CACNA2D3: variants seen among roughly 807,000 people sequenced by gnomAD.
CACNA2D3 encodes voltage-dependent calcium channel subunit alpha-2/delta-3.
Under a neutral mutation model 160.6 loss-of-function variants are expected in CACNA2D3, and 60 were observed. That is an observed-to-expected ratio of 0.37 (90% CI 0.30 to 0.46). The LOEUF (loss-of-function observed/expected upper bound fraction) is 0.46. CACNA2D3 is among the 20% of genes least tolerant of loss of function. The pLI is 1.00. For synonymous variants in CACNA2D3, 558 were observed against 492.9 expected (o/e 1.13, Z -1.75); for missense variants, 1,205 against 1,365.0 (o/e 0.88, Z 1.85).
At chr3:54,512,793 G>T (rs898997608) in intron 5 of CACNA2D3, among the ~76,000 whole-genome samples, 2 of 152,176 alleles carry the variant, frequency 1.3e-5, no homozygotes, top group East Asian at 1.9e-4. Context: ...GTAGGGCTTC[G>T]TATTAGTCTG....
chr3:54,977,210 A>G (rs2107087447), intron 29 of CACNA2D3, among the ~76,000 whole-genome samples: 1 of 152,284 alleles, frequency 6.6e-6, no homozygotes, highest in Middle Eastern at 3.4e-3. Flanking sequence ...GAGTTTGATC[A>G]ATTTTCCTAG....
chr3:54,527,541 T>G (rs537394259), intron 5 of CACNA2D3, among the ~76,000 whole-genome samples: 1 of 152,276 alleles, frequency 6.6e-6, no homozygotes, highest in South Asian at 2.1e-4. Flanking sequence ...GCCTTTCAAG[T>G]TTGGGCAAGA....
At chr3:54,996,377 T>G (rs3773574) in intron 31 of CACNA2D3, among the ~76,000 whole-genome samples, 64,475 of 152,142 alleles carry the variant, frequency 0.42, 15,153 homozygotes, top group East Asian at 0.57. Context: ...GTGAAGCTAA[T>G]TTCCATGGGA....
At chr3:54,345,141 T>C (rs1698433368) in intron 3 of CACNA2D3, among the ~76,000 whole-genome samples, 1 of 152,232 alleles carries the variant, frequency 6.6e-6, no homozygotes, top group Admixed American at 6.5e-5. Flanking sequence ...GGCTTCTCTG[T>C]CTGTGGAGTA....
intron 27 of CACNA2D3, among the ~76,000 whole-genome samples, chr3:54,966,555 A>C (rs556001251): frequency 6.6e-6 from 1 of 152,340 alleles, no homozygotes; most frequent in Non-Finnish European, 1.5e-5. Context: ...CACATGGCTC[A>C]CATCTGTAAT....
At chr3:54,248,610 T>C (rs779022845) in intron 2 of CACNA2D3, among the ~76,000 whole-genome samples, 1 of 151,754 alleles carries the variant, frequency 6.6e-6, no homozygotes, top group African/African-American at 2.4e-5. Flanking sequence ...GAAAAGACCA[T>C]GTGAGGACAC....
intron 27 of CACNA2D3, chr3:54,927,831 C>T (rs1701068319): frequency 6.7e-7 from 1 of 1,488,014 alleles, no homozygotes; most frequent in Non-Finnish European, 9.4e-7. Context: ...AGATTTCCCG[C>T]AGATACCTTT....
intron 13 of CACNA2D3, among the ~76,000 whole-genome samples, chr3:54,789,599 T>C: frequency 6.6e-6 from 1 of 152,192 alleles, no homozygotes; most frequent in East Asian, 1.9e-4. Flanking sequence ...TCAAACTGTT[T>C]TGCCAAGCTT....
chr3:54,912,947 C>T (rs1468944717), intron 27 of CACNA2D3, among the ~76,000 whole-genome samples: 1 of 152,074 alleles, frequency 6.6e-6, no homozygotes, highest in Non-Finnish European at 1.5e-5. Flanking sequence ...TACAGGACAG[C>T]ATGATTCCTC....
In CACNA2D3 at chr3:54,254,190, G is replaced by A. The variant is rs77572562; in HGVS notation, c.205-66252G>A. 9.9e-3 allele frequency among the ~76,000 whole-genome samples: 1,513 copies of A among 152,292 alleles called. 13 individuals carry two copies. The highest frequency in any genetic ancestry group is 0.017 in the Non-Finnish European group (1,158 of 68,028). ...AGACCACTTGAGAAGCACTGCTTTGGGGAGGGATGCTCTCCCATCAGATGG... is the reference window on the plus strand; with the variant it reads ...AGACCACTTGAGAAGCACTGCTTTGAGGAGGGATGCTCTCCCATCAGATGG... On this transcript the variant is annotated intron_variant, in intron 2 of 37. Transcript: ENST00000474759.
At chr3:55,025,029 G>C (rs994184087) in intron 35 of CACNA2D3, among the ~76,000 whole-genome samples, 1 of 152,280 alleles carries the variant, frequency 6.6e-6, no homozygotes, top group Non-Finnish European at 1.5e-5. Flanking sequence ...CTATGAGGCG[G>C]CCAGTATCTC....
intron 13 of CACNA2D3, among the ~76,000 whole-genome samples, chr3:54,776,851 G>T (rs868335571): frequency 6.6e-6 from 1 of 152,120 alleles, no homozygotes; most frequent in East Asian, 1.9e-4. Context: ...CTGTGTGGGT[G>T]GTGGGAAGCC....
chr3:54,455,378 C>G (rs1700379459), intron 4 of CACNA2D3, among the ~76,000 whole-genome samples: 1 of 151,904 alleles, frequency 6.6e-6, no homozygotes, highest in Non-Finnish European at 1.5e-5. Context: ...CATTTGTATG[C>G]CAGATTATTT....
At chr3:54,658,324 T>C (rs1699909214) in intron 11 of CACNA2D3, among the ~76,000 whole-genome samples, 1 of 152,232 alleles carries the variant, frequency 6.6e-6, no homozygotes, top group Admixed American at 6.5e-5. Context: ...TCTTCCTTTT[T>C]CTCATCAACA....
chr3:54,132,762 T>C (rs1353018273), intron 2 of CACNA2D3, among the ~76,000 whole-genome samples: 1 of 151,952 alleles, frequency 6.6e-6, no homozygotes, highest in African/African-American at 2.4e-5. Flanking sequence ...CTGTGTAGAG[T>C]TGAGAGTCTG....
intron 11 of CACNA2D3, among the ~76,000 whole-genome samples, chr3:54,746,721 T>A (rs999938251): frequency 2.0e-5 from 3 of 152,234 alleles, no homozygotes; most frequent in African/African-American, 7.2e-5. Flanking sequence ...TTCTTTTTTC[T>A]ATAAAAATAT....
chr3:54,646,763 G>T (rs906192457), intron 11 of CACNA2D3, among the ~76,000 whole-genome samples: 7 of 152,090 alleles, frequency 4.6e-5, no homozygotes, highest in Non-Finnish European at 1.0e-4. Flanking sequence ...ATTCCTTTGG[G>T]CATATACCCA....
chr3:54,453,498 A>G (rs1017233274), intron 4 of CACNA2D3, among the ~76,000 whole-genome samples: 7 of 134,490 alleles, frequency 5.2e-5, no homozygotes, highest in Middle Eastern at 4.1e-3. Context: ...TTCTGCTTCC[A>G]CATTTATACA....
chr3:54,290,216 A>G (rs1029497703), intron 2 of CACNA2D3, among the ~76,000 whole-genome samples: 3 of 152,230 alleles, frequency 2.0e-5, no homozygotes, highest in Non-Finnish European at 4.4e-5. Flanking sequence ...TTACAAGAAA[A>G]AAACAAACAG....
Sources: gnomAD v4.1 joint callset for allele counts (sites outside exome capture counted in the v4.1 genomes callset) on GRCh38, gnomAD v4.1.1 for gene constraint, MANE v1.5 for transcripts, NCBI Gene and HGNC (gene_info 2026-07-23, HGNC 2026-07-21) for gene names.